The following CALCB variants were observed in gnomAD, a reference collection of about 807,000 sequenced individuals.
CALCB encodes calcitonin gene-related peptide 2.
CALCB carries 8 observed loss-of-function variants against 10.7 expected under a neutral mutation model. That is an observed-to-expected ratio of 0.75 (90% CI 0.44 to 1.34). CALCB has a LOEUF of 1.34. CALCB is among the 40% of genes most tolerant of loss of function. The pLI is 0.01. For missense variants in CALCB, 176 were observed against 162.5 expected, an observed-to-expected ratio of 1.08 and a Z score of -0.45; for synonymous variants, 76 against 66.9, an observed-to-expected ratio of 1.14 and a Z score of -0.66.
At chr11:15,074,662 A>C (rs1351048555) in intron 1 of CALCB, 48 bp from the exon 2 acceptor site, 4 of 1,447,266 alleles carry the variant, frequency 2.8e-6, no homozygotes, top group African/African-American at 2.8e-5. Flanking sequence ...GCAGGACTGG[A>C]ACCTAGATCT....
At position 15,077,470 on chromosome 11, in the gene CALCB, G is replaced by A. The variant is rs200070683; in HGVS notation, c.*25G>A. The A allele has an allele frequency of 2.1e-3, 3,315 of 1,613,466 alleles. 8 individuals are homozygous for A. The highest frequency in any genetic ancestry group is 2.7e-3 in the Non-Finnish European group (3,144 of 1,179,794). ...AGCAGATGAATGACTCCAGGAAGAA[G>A]GTAACTACCCTAATGCTATGGGATA... is the stretch of plus-strand genomic sequence containing the variant. On this transcript the variant is annotated splice_region_variant and 3_prime_UTR_variant, in exon 4 of 5. Transcript: ENST00000324229.
chr11:15,075,221 C>G, intron 3 of CALCB, 23 bp downstream of exon 3: 1 of 1,613,672 alleles, frequency 6.2e-7, no homozygotes. Context: ...AAGCGCCCAG[C>G]ACAGGGACTC....
rs979868229 is a variant in CALCB, at chr11:15,075,286, C to T, written c.224+88C>T. 5 of 1,596,116 alleles carry T rather than the reference C, an allele frequency of 3.1e-6. No individual in the cohort carries two copies. The African/African-American group carries it at 5.4e-5, about 17-fold the overall frequency. ...ATCCCAAGAGGCAGGAGAGAACACA[C>T]TGGCAAGGGGTCCAGCAAGCTGATT... On this transcript the variant is annotated intron_variant, in intron 3 of 4. Transcript: ENST00000324229.
At chr11:15,076,955 T>C (rs1850400534) in intron 3 of CALCB, among the ~76,000 whole-genome samples, 1 of 152,210 alleles carries the variant, frequency 6.6e-6, no homozygotes, top group African/African-American at 2.4e-5. Context: ...TTGGTGCTTG[T>C]GGCTGGGGTA....
At chr11:15,074,630 T>C in intron 1 of CALCB, 80 bp from the exon 2 acceptor site, 4 of 1,082,872 alleles carry the variant, frequency 3.7e-6, no homozygotes, top group Non-Finnish European at 5.5e-6. Context: ...GTGCCTAAGG[T>C]CACATGGCAG....
chr11:15,077,319 C>A lies in CALCB; in HGVS notation c.258C>A (p.Ala86=), dbSNP rs776708846. The A allele has an allele frequency of 8.7e-6, 14 of 1,614,122 alleles. No homozygotes were observed. Among genetic ancestry groups the A allele is most frequent in the Non-Finnish European group, 1.2e-5 (14 of 1,180,050 alleles). Residue 86 remains alanine (A), a synonymous_variant, in exon 4 of 5, where the codon GCC becomes GCA. Coordinates refer to ENST00000324229, the MANE Select transcript of CALCB (RefSeq NM_000728.4). ...SAAQKRACNT[A]TCVTHRLAGL... ...CCCAGAAGAGAGCCTGCAACACTGC[C>A]ACCTGTGTGACTCATCGGCTGGCAG... is the stretch of plus-strand genomic sequence containing the variant.
chr11:15,077,331 T>C lies in CALCB; in HGVS notation c.270T>C (p.Thr90=). 1 of 1,614,260 alleles carries C rather than the reference T, an allele frequency of 6.2e-7. No homozygotes were observed. The highest frequency in any genetic ancestry group is 2.2e-5 in the East Asian group (1 of 44,890). The part of the protein sequence containing the change: ...KRACNTATCV[T]HRLAGLLSRS... ...CCTGCAACACTGCCACCTGTGTGACTCATCGGCTGGCAGGCTTGCTGAGCA... is the reference window on the plus strand; with the variant it reads ...CCTGCAACACTGCCACCTGTGTGACCCATCGGCTGGCAGGCTTGCTGAGCA... Residue 90 remains threonine (T), a synonymous_variant, in exon 4 of 5, where the codon ACT becomes ACC. Coordinates refer to ENST00000324229, the MANE Select transcript of CALCB (RefSeq NM_000728.4).
At chr11:15,075,320 A>T in intron 3 of CALCB, 122 bp downstream of exon 3, 2 of 1,528,580 alleles carry the variant, frequency 1.3e-6, no homozygotes, top group East Asian at 2.3e-5. Context: ...TTTGTCCAGC[A>T]GGCTCCCTTT....
intron 1 of CALCB, 82 bp from the exon 2 acceptor site, chr11:15,074,628 G>A (rs1850376786): frequency 9.4e-7 from 1 of 1,061,206 alleles, no homozygotes; most frequent in Non-Finnish European, 1.4e-6. Flanking sequence ...ACGTGCCTAA[G>A]GTCACATGGC....
At chr11:15,075,963 A>G (rs1850390178) in intron 3 of CALCB, among the ~76,000 whole-genome samples, 1 of 151,888 alleles carries the variant, frequency 6.6e-6, no homozygotes, top group African/African-American at 2.4e-5. Flanking sequence ...ACCAGAAAAG[A>G]TCATCCTTCC....
chr11:15,077,556 C>G, intron 4 of CALCB, 86 bp downstream of exon 4: 1 of 1,329,826 alleles, frequency 7.5e-7, no homozygotes, highest in Non-Finnish European at 1.0e-6. Flanking sequence ...CTGGTAGGTT[C>G]TTTAGGTTCC....
rs1850379520 is a variant in CALCB, at chr11:15,074,924, C to A, written c.86+120C>A. The A allele has an allele frequency of 3.6e-6, 5 of 1,379,076 alleles. No individual in the cohort carries two copies. In the Admixed American group the frequency reaches 7.0e-5, roughly 19 times the overall value. 85.4% of individuals were successfully genotyped at this position (1,379,076 alleles called of 1,614,324 possible). Reference sequence around the variant, plus strand: ...ATCAGTGCCCACAGGTGGACCCTGGCCTCATGCCCGTCCCCTGGGAGTCGC... The same window carrying A: ...ATCAGTGCCCACAGGTGGACCCTGGACTCATGCCCGTCCCCTGGGAGTCGC... On this transcript the variant is annotated intron_variant, in intron 2 of 4. Coordinates refer to ENST00000324229, the MANE Select transcript of CALCB (RefSeq NM_000728.4).
Position 15,075,171 on chromosome 11 carries a change from A to G in CALCB, c.197A>G (p.Lys66Arg), listed in dbSNP as rs759228719. The change falls in exon 3 of 5, where the codon AAG becomes AGG. Residue 66 changes from lysine to arginine, a missense_variant. Coordinates refer to ENST00000324229, the MANE Select transcript of CALCB (RefSeq NM_000728.4). ...GTGCAGATGAAGGCCAGTGAGCTGAAGCAGGAGCAGGAGACACAGGGCTCC... is the reference window on the plus strand; with the variant it reads ...GTGCAGATGAAGGCCAGTGAGCTGAGGCAGGAGCAGGAGACACAGGGCTCC... ...DYVQMKASEL[K>R]QEQETQGSSS... The G allele has an allele frequency of 1.2e-6, 2 of 1,614,198 alleles. No individual in the cohort carries two copies. The highest frequency in any genetic ancestry group is 2.2e-5 in the South Asian group (2 of 91,080).
Position 15,078,412 on chromosome 11 carries a change from G to C in CALCB, c.*355G>C, listed in dbSNP as rs1011818986. 1 of 152,176 alleles carries C rather than the reference G, an allele frequency of 6.6e-6. No homozygotes were observed. The highest frequency in any genetic ancestry group is 1.5e-5 in the Non-Finnish European group (1 of 68,040). 9.4% of individuals were successfully genotyped at this position (152,176 alleles called of 1,614,324 possible). A position where few individuals can be genotyped will look rare whatever the true frequency, so the allele number is the denominator to read the frequency against. The stretch of plus-strand genomic sequence containing the variant: ...GAAATCACTGCCTGTTGTGGTCTCC[G>C]AGGACACATGGTAATGGTGATGCTG... On this transcript the variant is annotated 3_prime_UTR_variant, in exon 5 of 5. Coordinates refer to ENST00000324229, the MANE Select transcript of CALCB (RefSeq NM_000728.4).
chr11:15,077,802 A>G, intron 4 of CALCB, among the ~76,000 whole-genome samples: 1 of 152,224 alleles, frequency 6.6e-6, no homozygotes, highest in South Asian at 2.1e-4. Context: ...TCAGGTGGAT[A>G]AGCTGTAATC....
chr11:15,075,751 T>G (rs891407498), intron 3 of CALCB, among the ~76,000 whole-genome samples: 3 of 152,168 alleles, frequency 2.0e-5, no homozygotes, highest in Admixed American at 2.0e-4. Flanking sequence ...CCTTTAGATG[T>G]GCAAGCTCTG....
Position 15,075,695 on chromosome 11 carries a change from C to G in CALCB, c.224+497C>G, listed in dbSNP as rs181421891. 1.5e-4 allele frequency among the ~76,000 whole-genome samples: 23 copies of G among 152,284 alleles called. No homozygotes were observed. The East Asian group carries it at 2.7e-3, about 18-fold the overall frequency. The stretch of plus-strand genomic sequence containing the variant: ...TCACATTTGCAAGGTGAAGATGAAG[C>G]CCTTGCAGGGGGTGGGGACAGAGCA... On this transcript the variant is annotated intron_variant, in intron 3 of 4. Transcript: ENST00000324229.
At chr11:15,075,941 CA>C (rs1850389987) in intron 3 of CALCB, among the ~76,000 whole-genome samples, 1 of 152,150 alleles carries the variant, frequency 6.6e-6, no homozygotes, top group African/African-American at 2.4e-5. Flanking sequence ...AAGGGCTGAA[CA>C]TCATGGGAAT....
rs2282654 is a variant in CALCB, at chr11:15,077,597, C to T, written c.*25+127C>T. 0.72 allele frequency: 625,298 copies of T among 872,990 alleles called. 225,683 individuals are homozygous for T. The highest frequency in any genetic ancestry group is 0.79 in the Middle Eastern group (2,259 of 2,850). The allele number at this position is 872,990 out of a possible 1,614,324, so 54.1% of individuals were successfully genotyped here. On this transcript the variant is annotated intron_variant, in intron 4 of 4. Coordinates refer to ENST00000324229, the MANE Select transcript of CALCB (RefSeq NM_000728.4). ...TCCAGTTACATTGTTCCTCCTGAGGCAGTGAGTTCTTTCTAGAACCTAGCA... is the reference window on the plus strand; with the variant it reads ...TCCAGTTACATTGTTCCTCCTGAGGTAGTGAGTTCTTTCTAGAACCTAGCA...
Sources: gnomAD v4.1 joint callset for allele counts (sites outside exome capture counted in the v4.1 genomes callset) on GRCh38, gnomAD v4.1.1 for gene constraint, MANE v1.5 for transcripts, NCBI Gene and HGNC (gene_info 2026-07-23, HGNC 2026-07-21) for gene names.